The following APCDD1L variants were observed in gnomAD, a reference collection of about 807,000 sequenced individuals.
APCDD1L encodes APC down-regulated 1 like, also known as protein APCDD1-like.
APCDD1L carries 21 observed loss-of-function variants against 24.2 expected under a neutral mutation model. The observed-to-expected ratio is 0.87, with a 90% CI of 0.61 to 1.25. The LOEUF (loss-of-function observed/expected upper bound fraction) is 1.25. Among genes scored for constraint, APCDD1L ranks in the 50% most tolerant of loss-of-function variants. The probability of loss-of-function intolerance (pLI) is 0.00; values close to 1 mark genes in which losing one functional copy is unlikely to be tolerated. For synonymous variants in APCDD1L, 321 were observed against 323.6 expected (o/e 0.99, Z 0.09); for missense variants, 704 against 711.7 (o/e 0.99, Z 0.12).
intron 1 of APCDD1L, among the ~76,000 whole-genome samples, chr20:58,506,941 G>A (rs1277314447): frequency 1.3e-5 from 2 of 152,152 alleles, no homozygotes; most frequent in Admixed American, 1.3e-4. Flanking sequence ...AAGCTTGGTG[G>A]TCCACAAATC....
intron 1 of APCDD1L, among the ~76,000 whole-genome samples, chr20:58,501,772 C>T (rs1210502175): frequency 1.3e-5 from 2 of 152,220 alleles, no homozygotes; most frequent in Admixed American, 1.3e-4. Context: ...CACTCAGCAA[C>T]CAGAGAGCCT....
At chr20:58,487,363 A>G (rs1990138229) in intron 1 of APCDD1L, among the ~76,000 whole-genome samples, 1 of 151,970 alleles carries the variant, frequency 6.6e-6, no homozygotes, top group African/African-American at 2.4e-5. Flanking sequence ...GAAGAAAGAA[A>G]GATAAAGTAA....
In APCDD1L at chr20:58,467,632, A is replaced by T; in HGVS notation, c.215T>A (p.Phe72Tyr). The T allele has an allele frequency of 6.6e-7, 1 of 1,517,846 alleles. No homozygotes were observed. Among genetic ancestry groups the T allele is most frequent in the Non-Finnish European group, 8.9e-7 (1 of 1,128,026 alleles). 94.0% of individuals were successfully genotyped at this position (1,517,846 alleles called of 1,614,324 possible). ...TGCEVRPGPE[F>Y]LTRAYTFYPS... is the part of the protein sequence containing the mutation. ...GTAGAAGGTGTAGGCGCGGGTCAGG[A>T]ACTCCGGTCCTGGGCGCACCTCGCA... Residue 72 changes from phenylalanine (F) to tyrosine (Y), a missense_variant, in exon 3 of 4, where the codon TTC becomes TAC. Phe to Tyr is a conservative substitution (Grantham distance 22, BLOSUM62 3). Coordinates refer to ENST00000371149, the MANE Select transcript of APCDD1L (RefSeq NM_153360.3). The surrounding 1 kb of genome is among the most constrained non-coding windows in gnomAD (Gnocchi z 5.9).
chr20:58,465,540 T>C (rs1239991166), intron 3 of APCDD1L, among the ~76,000 whole-genome samples: 11 of 152,214 alleles, frequency 7.2e-5, no homozygotes. Context: ...TTCATGGGGA[T>C]GCTGAACACA....
chr20:58,513,826 G>A, intron 1 of APCDD1L: 1 of 1,228,034 alleles, frequency 8.1e-7, no homozygotes. Context: ...CCCAAAGCCA[G>A]ACGGGTTGAT....
At chr20:58,468,034 C>T (rs975748185) in intron 2 of APCDD1L, among the ~76,000 whole-genome samples, 2 of 152,182 alleles carry the variant, frequency 1.3e-5, no homozygotes, top group Non-Finnish European at 2.9e-5. Flanking sequence ...CACTCCCTCC[C>T]GCGTCCTTGC....
intron 1 of APCDD1L, among the ~76,000 whole-genome samples, chr20:58,502,511 C>T (rs1194349773): frequency 6.6e-6 from 1 of 152,162 alleles, no homozygotes; most frequent in African/African-American, 2.4e-5. Context: ...CTGTTATAAC[C>T]CTGGGGTGTA....
intron 1 of APCDD1L, among the ~76,000 whole-genome samples, chr20:58,500,678 C>T (rs937172865): frequency 2.6e-5 from 4 of 152,178 alleles, no homozygotes; most frequent in African/African-American, 9.7e-5. Flanking sequence ...CACCCAATGG[C>T]TTTCCTTTCG....
At chr20:58,474,699 A>G (rs1342015724) in intron 1 of APCDD1L, among the ~76,000 whole-genome samples, 1 of 152,172 alleles carries the variant, frequency 6.6e-6, no homozygotes, top group Non-Finnish European at 1.5e-5. Flanking sequence ...AGTGAGACTC[A>G]GTCTCAAACA....
intron 1 of APCDD1L, among the ~76,000 whole-genome samples, chr20:58,496,812 C>G (rs1990331418): frequency 6.6e-6 from 1 of 152,006 alleles, no homozygotes; most frequent in Non-Finnish European, 1.5e-5. Context: ...TGGAGGAAGG[C>G]CGGGAGACCC....
intron 1 of APCDD1L, among the ~76,000 whole-genome samples, chr20:58,503,767 G>T (rs987365614): frequency 6.6e-6 from 1 of 152,190 alleles, no homozygotes; most frequent in African/African-American, 2.4e-5. Context: ...AGGCATATAG[G>T]TTAGCTGCTT....
chr20:58,467,262 C>T lies in APCDD1L; in HGVS notation c.585G>A (p.Glu195=). Reference sequence around the variant, plus strand: ...GGCGCTGCACGCGGACCAGGCTGAGCTCGTGCATGGTGAGGCCCAGCGCCT... The same window carrying T: ...GGCGCTGCACGCGGACCAGGCTGAGTTCGTGCATGGTGAGGCCCAGCGCCT... ...CLEALGLTMH[E]LSLVRVQRRL... The change falls in exon 3 of 4, where the codon GAG becomes GAA. Residue 195 remains glutamate, a synonymous_variant. Coordinates refer to ENST00000371149, the MANE Select transcript of APCDD1L (RefSeq NM_153360.3). This position sits in a 1 kb window ranked among gnomAD's most constrained non-coding sequence, Gnocchi z 5.9. 5.1e-6 allele frequency: 8 copies of T among 1,577,756 alleles called. No homozygotes were observed. Among genetic ancestry groups the T allele is most frequent in the Non-Finnish European group, 6.8e-6 (8 of 1,168,212 alleles).
In APCDD1L at chr20:58,461,036, G is replaced by A. The variant is rs2123126401; in HGVS notation, c.1260C>T (p.Pro420=). The change falls in exon 4 of 4, where the codon CCC becomes CCT. Residue 420 remains proline, a synonymous_variant. Transcript: ENST00000371149. This position sits in a 1 kb window ranked among gnomAD's most constrained non-coding sequence, Gnocchi z 6.0. The part of the protein sequence containing the change: ...EYELFKMEQD[P]LGQSLLFIGQ... ...CGATGAAGAGCAGGCTTTGCCCGAG[G>A]GGGTCTTGTTCCATCTTGAAAAGCT... is the stretch of plus-strand genomic sequence containing the variant. 2 of 1,614,090 alleles carry A rather than the reference G, an allele frequency of 1.2e-6. No homozygotes were observed. Among genetic ancestry groups the A allele is most frequent in the Non-Finnish European group, 8.5e-7 (1 of 1,179,998 alleles).
chr20:58,491,727 A>G (rs1990228788), intron 1 of APCDD1L, among the ~76,000 whole-genome samples: 1 of 152,196 alleles, frequency 6.6e-6, no homozygotes, highest in Non-Finnish European at 1.5e-5. Flanking sequence ...GGATCTTGAG[A>G]AGATGGTTAT....
chr20:58,479,891 T>C (rs1989992256), intron 1 of APCDD1L, among the ~76,000 whole-genome samples: 1 of 152,186 alleles, frequency 6.6e-6, no homozygotes, highest in Non-Finnish European at 1.5e-5. Context: ...GCCAAAGATG[T>C]ACTTTCCAAT....
chr20:58,511,941 G>A (rs1990636225), intron 1 of APCDD1L, among the ~76,000 whole-genome samples: 1 of 152,182 alleles, frequency 6.6e-6, no homozygotes, highest in South Asian at 2.1e-4. Context: ...AGCAGCTATG[G>A]TTTCTCATTT....
intron 1 of APCDD1L, among the ~76,000 whole-genome samples, chr20:58,512,896 C>G (rs943331165): frequency 6.6e-6 from 1 of 151,822 alleles, no homozygotes; most frequent in Non-Finnish European, 1.5e-5. Context: ...GGCTGCCCCC[C>G]TCTCTCGTCA....
At chr20:58,469,370 G>T (rs1417556117) in intron 2 of APCDD1L, among the ~76,000 whole-genome samples, 2 of 152,178 alleles carry the variant, frequency 1.3e-5, no homozygotes, top group African/African-American at 4.8e-5. Context: ...GGGGAGATTT[G>T]CCAGGAGGAC....
intron 1 of APCDD1L, among the ~76,000 whole-genome samples, chr20:58,505,632 C>T (rs1313039430): frequency 6.6e-6 from 1 of 152,164 alleles, no homozygotes; most frequent in Non-Finnish European, 1.5e-5. Context: ...CTGGTGCCAT[C>T]CCACCCACCA....
Sources: allele counts gnomAD v4.1 joint callset (sites outside exome capture counted in the v4.1 genomes callset), GRCh38; gene constraint gnomAD v4.1.1; non-coding constraint Gnocchi (gnomAD v3.1); transcripts MANE v1.5; gene names NCBI Gene and HGNC (gene_info 2026-07-23, HGNC 2026-07-21).